The following DPP6 variants were observed in gnomAD, a reference collection of about 807,000 sequenced individuals.
The protein encoded by DPP6 is dipeptidyl peptidase like 6.
A neutral mutation model predicts 122.6 loss-of-function variants in DPP6; 69 were observed. That is an observed-to-expected ratio of 0.56 (90% CI 0.46 to 0.69). The LOEUF (loss-of-function observed/expected upper bound fraction) is 0.69. Ranked by LOEUF, DPP6 falls within the 30% of genes least tolerant of loss-of-function variation. The pLI, the probability that DPP6 is intolerant of heterozygous loss-of-function variation, is 0.00. For missense variants in DPP6, 928 were observed against 1,116.9 expected (o/e 0.83, Z 2.41); for synonymous variants, 418 against 433.1 (o/e 0.97, Z 0.43).
At chr7:153,940,587 G>A (rs991170670) in intron 1 of DPP6, among the ~76,000 whole-genome samples, 12 of 152,020 alleles carry the variant, frequency 7.9e-5, no homozygotes, top group East Asian at 5.8e-4. Flanking sequence ...ATGGGACCAC[G>A]GTCTACCCAC....
At chr7:153,970,449 T>G (rs1214143795) in intron 1 of DPP6, among the ~76,000 whole-genome samples, 2 of 152,236 alleles carry the variant, frequency 1.3e-5, no homozygotes, top group Non-Finnish European at 2.9e-5. Context: ...TGTCATTTCT[T>G]TAACAATCTT....
intron 1 of DPP6, among the ~76,000 whole-genome samples, chr7:154,263,663 C>T (rs2150919835): frequency 6.6e-6 from 1 of 152,128 alleles, no homozygotes; most frequent in East Asian, 1.9e-4. Context: ...TCCAAACAGT[C>T]CTCTGTTATG....
chr7:154,586,709 A>G (rs1199497585), intron 5 of DPP6, among the ~76,000 whole-genome samples: 1 of 152,140 alleles, frequency 6.6e-6, no homozygotes, highest in Non-Finnish European at 1.5e-5. Context: ...ACTTGCCACT[A>G]AACGAGTCCT....
intron 1 of DPP6, among the ~76,000 whole-genome samples, chr7:154,398,581 C>A (rs1486878005): frequency 6.6e-6 from 1 of 151,990 alleles, no homozygotes; most frequent in Non-Finnish European, 1.5e-5. Flanking sequence ...ATATTTTTTT[C>A]TCCATTTCAA....
chr7:154,268,587 G>C (rs1478399687), intron 1 of DPP6, among the ~76,000 whole-genome samples: 1 of 152,174 alleles, frequency 6.6e-6, no homozygotes, highest in Non-Finnish European at 1.5e-5. Context: ...TAGGGATTTT[G>C]GATGGATGCA....
At chr7:153,804,073 T>G in the DPP6 span, among the ~76,000 whole-genome samples, 1 of 150,098 alleles carries the variant, frequency 6.7e-6, no homozygotes, top group South Asian at 2.1e-4. Flanking sequence ...TTTTTGAGAC[T>G]GAGTCTTACT....
the DPP6 span, among the ~76,000 whole-genome samples, chr7:153,768,360 G>C: frequency 6.6e-6 from 1 of 152,022 alleles, no homozygotes; most frequent in East Asian, 1.9e-4. Flanking sequence ...ATCTCAGGAA[G>C]TGCATTTGTA....
chr7:154,076,015 T>C (rs1017192719), intron 1 of DPP6, among the ~76,000 whole-genome samples: 7 of 151,594 alleles, frequency 4.6e-5, no homozygotes, highest in African/African-American at 1.5e-4. Context: ...AATGAACTTA[T>C]AATCCAGTTA....
intron 5 of DPP6, among the ~76,000 whole-genome samples, chr7:154,598,749 C>T (rs1214259496): frequency 1.3e-5 from 2 of 152,226 alleles, no homozygotes; most frequent in African/African-American, 4.8e-5. Flanking sequence ...CAGGCTAGTA[C>T]AACCCACAGG....
At chr7:153,893,235 T>C (rs887550435) in intron 1 of DPP6, among the ~76,000 whole-genome samples, 2 of 152,224 alleles carry the variant, frequency 1.3e-5, no homozygotes, top group South Asian at 2.1e-4. Flanking sequence ...TGTACTAAAT[T>C]GGCTCTTCCC....
At chr7:154,006,081 T>C (rs942329595) in intron 1 of DPP6, among the ~76,000 whole-genome samples, 3 of 152,190 alleles carry the variant, frequency 2.0e-5, no homozygotes, top group Non-Finnish European at 4.4e-5. Context: ...AGCCTGTTCA[T>C]TGAAGACCTT....
rs371379460 is a variant in DPP6 at position 154,228,908 on chromosome 7, G to T, written c.243+175845G>T. Among the ~76,000 whole-genome samples, 214 of 152,190 alleles carry T rather than the reference G, an allele frequency of 1.4e-3. 2 individuals are homozygous for T. Among genetic ancestry groups the T allele is most frequent in the African/African-American group, 5.0e-3 (206 of 41,514 alleles). Reference sequence around the variant, plus strand: ...AAAATAGGTGCCCTTTACAGATTTTGTAAGATTAGGAAACAAAAAGAGGTC... The same window carrying T: ...AAAATAGGTGCCCTTTACAGATTTTTTAAGATTAGGAAACAAAAAGAGGTC... On this transcript the variant is annotated intron_variant, in intron 1 of 25. Coordinates refer to ENST00000377770, the MANE Select transcript of DPP6 (RefSeq NM_130797.4).
At chr7:154,153,657 G>T (rs1796536955) in intron 1 of DPP6, among the ~76,000 whole-genome samples, 1 of 152,208 alleles carries the variant, frequency 6.6e-6, no homozygotes, top group Non-Finnish European at 1.5e-5. Flanking sequence ...CAGAGCAGGG[G>T]TCAGCAAAAT....
intron 1 of DPP6, among the ~76,000 whole-genome samples, chr7:154,218,278 C>T (rs1442968653): frequency 6.6e-6 from 1 of 152,190 alleles, no homozygotes; most frequent in Non-Finnish European, 1.5e-5. Context: ...CACAACCTCA[C>T]CCAGCCTTAC....
intron 12 of DPP6, among the ~76,000 whole-genome samples, chr7:154,796,692 A>G (rs1798069203): frequency 6.6e-6 from 1 of 152,218 alleles, no homozygotes; most frequent in South Asian, 2.1e-4. Flanking sequence ...ATGCTTCTTC[A>G]TCGATATGGT....
intron 1 of DPP6, among the ~76,000 whole-genome samples, chr7:154,283,074 G>T (rs928277155): frequency 6.6e-6 from 1 of 152,180 alleles, no homozygotes; most frequent in Non-Finnish European, 1.5e-5. Flanking sequence ...AGCTCAGAGT[G>T]ATATTGAGTG....
At chr7:153,875,624 A>G in the DPP6 span, among the ~76,000 whole-genome samples, 38 of 152,234 alleles carry the variant, frequency 2.5e-4, no homozygotes, top group African/African-American at 8.2e-4. Flanking sequence ...TGAAATTAAT[A>G]TGATTATCAA....
intron 1 of DPP6, among the ~76,000 whole-genome samples, chr7:154,356,468 T>G (rs1811274229): frequency 6.6e-6 from 1 of 152,152 alleles, no homozygotes; most frequent in African/African-American, 2.4e-5. Flanking sequence ...TTTGGGAGGC[T>G]GAGGTGGGAG....
At chr7:154,499,069 G>A (rs1225216170) in intron 3 of DPP6, among the ~76,000 whole-genome samples, 1 of 152,168 alleles carries the variant, frequency 6.6e-6, no homozygotes, top group Non-Finnish European at 1.5e-5. Context: ...TTGGCCACGT[G>A]ACTAACCCTT....
Sources: gnomAD v4.1 joint callset for allele counts (sites outside exome capture counted in the v4.1 genomes callset) on GRCh38, gnomAD v4.1.1 for gene constraint, MANE v1.5 for transcripts, NCBI Gene and HGNC (gene_info 2026-07-23, HGNC 2026-07-21) for gene names.